ABTB3: variants seen among roughly 807,000 people sequenced by gnomAD.
ABTB3 encodes the protein ankyrin repeat and BTB domain containing 3.
At chr12:107,538,822 C>A in the ABTB3 span, among the ~76,000 whole-genome samples, 3 of 152,312 alleles carry the variant, frequency 2.0e-5, no homozygotes, top group Admixed American at 2.0e-4. Flanking sequence ...GAGCCCCCAC[C>A]CCACAAAGTG....
At chr12:107,359,230 A>G in the ABTB3 span, among the ~76,000 whole-genome samples, 1 of 152,258 alleles carries the variant, frequency 6.6e-6, no homozygotes, top group Non-Finnish European at 1.5e-5. Flanking sequence ...CTGATGCCCA[A>G]GAGATGGGAT....
chr12:107,618,022 GA>G, the ABTB3 span: 9 of 760,004 alleles, frequency 1.2e-5, no homozygotes, highest in Non-Finnish European at 1.7e-5. Context: ...TTAGGCCTCT[GA>G]AAGTGCCACC....
At chr12:107,498,731 A>G in the ABTB3 span, among the ~76,000 whole-genome samples, 51 of 152,188 alleles carry the variant, frequency 3.4e-4, no homozygotes, top group African/African-American at 1.2e-3. Context: ...AAAACCCAGG[A>G]TACTCTCTGT....
the ABTB3 span, among the ~76,000 whole-genome samples, chr12:107,486,266 G>A: frequency 6.6e-6 from 1 of 152,146 alleles, no homozygotes; most frequent in Non-Finnish European, 1.5e-5. Flanking sequence ...CTAGTTCTGT[G>A]ATAAACCTAT....
the ABTB3 span, among the ~76,000 whole-genome samples, chr12:107,448,771 G>T: frequency 6.6e-6 from 1 of 151,986 alleles, no homozygotes; most frequent in African/African-American, 2.4e-5. Context: ...CTCCCAAGTA[G>T]CTGGGACTAC....
chr12:107,459,745 T>G, the ABTB3 span, among the ~76,000 whole-genome samples: 2 of 152,246 alleles, frequency 1.3e-5, no homozygotes, highest in Admixed American at 1.3e-4. Flanking sequence ...GCTGCGTTTC[T>G]TCTGAGTGAA....
chr12:107,549,998 A>T, the ABTB3 span, among the ~76,000 whole-genome samples: 1 of 152,166 alleles, frequency 6.6e-6, no homozygotes, highest in Admixed American at 6.5e-5. Context: ...TGGACAGGAG[A>T]TAAGTTCCTG....
chr12:107,426,369 C>G, the ABTB3 span, among the ~76,000 whole-genome samples: 1 of 152,118 alleles, frequency 6.6e-6, no homozygotes, highest in Admixed American at 6.5e-5. Flanking sequence ...TTGGGCTGCC[C>G]TCTGCATCCC....
chr12:107,640,622 C>T, the ABTB3 span, among the ~76,000 whole-genome samples: 4 of 152,142 alleles, frequency 2.6e-5, no homozygotes, highest in Non-Finnish European at 5.9e-5. Flanking sequence ...CCAGGGGGGC[C>T]GAGCTTTGGG....
the ABTB3 span, among the ~76,000 whole-genome samples, chr12:107,605,723 T>C: frequency 6.6e-6 from 1 of 152,166 alleles, no homozygotes; most frequent in African/African-American, 2.4e-5. Flanking sequence ...CTGGTTTGGA[T>C]GAGGAGAATG....
At chr12:107,395,554 C>A in the ABTB3 span, among the ~76,000 whole-genome samples, 1 of 152,204 alleles carries the variant, frequency 6.6e-6, no homozygotes, top group Non-Finnish European at 1.5e-5. Flanking sequence ...TTGAGGTGCA[C>A]CATCTGTTCC....
the ABTB3 span, chr12:107,544,282 C>G: frequency 1.1e-5 from 9 of 847,710 alleles, no homozygotes; most frequent in Non-Finnish European, 1.5e-5. Context: ...AACCTTGCAC[C>G]CTGAGGGGAT....
the ABTB3 span, chr12:107,657,661 G>A: frequency 8.7e-6 from 14 of 1,614,216 alleles, no homozygotes; most frequent in South Asian, 3.3e-5. Context: ...TACAGAGGAC[G>A]TTGGCCATCA....
chr12:107,495,752 A>G, the ABTB3 span, among the ~76,000 whole-genome samples: 1 of 152,136 alleles, frequency 6.6e-6, no homozygotes, highest in Non-Finnish European at 1.5e-5. Flanking sequence ...TGCCTAACAT[A>G]AGCACCCAAG....
chr12:107,508,438 CTTTTTTTTTTT>C, the ABTB3 span, among the ~76,000 whole-genome samples: 30 of 69,164 alleles, frequency 4.3e-4, no homozygotes, highest in East Asian at 4.7e-3. Flanking sequence ...AAGATCATTT[CTTTTTTTTTTT>C]TTTTTTTTTT....
chr12:107,336,997 C>T, the ABTB3 span, among the ~76,000 whole-genome samples: 2 of 152,254 alleles, frequency 1.3e-5, no homozygotes, highest in African/African-American at 4.8e-5. Context: ...GAACAACGCT[C>T]CTTTTCAAAG....
chr12:107,492,590 C>T, the ABTB3 span, among the ~76,000 whole-genome samples: 1 of 152,156 alleles, frequency 6.6e-6, no homozygotes, highest in East Asian at 1.9e-4. Flanking sequence ...CAGTCCCTCC[C>T]ACTTCTGCTT....
the ABTB3 span, among the ~76,000 whole-genome samples, chr12:107,410,732 G>A: frequency 3.0e-4 from 46 of 152,300 alleles, no homozygotes; most frequent in Admixed American, 5.2e-4. Context: ...GTGAATGGAA[G>A]TGTCCTTGCT....
chr12:107,564,088 C>CTGTGTG, the ABTB3 span, among the ~76,000 whole-genome samples: 1,529 of 137,990 alleles, frequency 0.011, 20 homozygotes, highest in East Asian at 0.039. Context: ...CTATCTATCT[C>CTGTGTG]TCTGTGTGTG....
Sources: allele counts gnomAD v4.1 joint callset (sites outside exome capture counted in the v4.1 genomes callset), GRCh38; gene constraint gnomAD v4.1.1; transcripts MANE v1.5; gene names NCBI Gene and HGNC (gene_info 2026-07-23, HGNC 2026-07-21).